Variants in HDAC9 observed in about 807,000 individuals in gnomAD.
HDAC9 encodes histone deacetylase 9, also known as MEF-2 interacting transcription repressor (MITR) protein.
In HDAC9, 41 loss-of-function variants were observed where a neutral mutation model predicts 139.4. That is an observed-to-expected ratio of 0.29 (90% CI 0.23 to 0.38). HDAC9 has a LOEUF of 0.38. Among genes scored for constraint, HDAC9 ranks in the 10% least tolerant of loss-of-function variants. The pLI, the probability that HDAC9 is intolerant of heterozygous loss-of-function variation, is 1.00. For missense variants in HDAC9, 1,147 were observed against 1,297.0 expected (o/e 0.88, Z 1.78); for synonymous variants, 517 against 476.2 (o/e 1.09, Z -1.12).
At chr7:18,327,821 AT>A (rs1446555788) in intron 1 of HDAC9, 1 of 151,852 alleles carries the variant, frequency 6.6e-6, no homozygotes, top group South Asian at 2.1e-4. Flanking sequence ...TTACATAACA[AT>A]TTTTTGGTTA....
intron 2 of HDAC9, among the ~76,000 whole-genome samples, chr7:18,268,810 T>A (rs1796163797): frequency 6.6e-6 from 1 of 152,196 alleles, no homozygotes; most frequent in Non-Finnish European, 1.5e-5. Flanking sequence ...TCTACTTAAA[T>A]GGATAACCAC....
intron 1 of HDAC9, among the ~76,000 whole-genome samples, chr7:18,363,943 A>G (rs1234943777): frequency 6.6e-6 from 1 of 152,146 alleles, no homozygotes; most frequent in African/African-American, 2.4e-5. Context: ...AACTTTTCCT[A>G]AAGATTTTCA....
chr7:18,290,954 C>G (rs596103), intron 1 of HDAC9, among the ~76,000 whole-genome samples: 1 of 152,092 alleles, frequency 6.6e-6, no homozygotes, highest in South Asian at 2.1e-4. Flanking sequence ...CTTTTAACTC[C>G]TTGATTATCA....
chr7:18,200,479 C>T (rs1791040072), intron 2 of HDAC9, among the ~76,000 whole-genome samples: 1 of 152,078 alleles, frequency 6.6e-6, no homozygotes, highest in South Asian at 2.1e-4. Flanking sequence ...TGGAACGTTT[C>T]AGTACTTTTT....
intron 23 of HDAC9, among the ~76,000 whole-genome samples, chr7:18,938,510 G>A (rs1243865455): frequency 2.0e-5 from 3 of 151,810 alleles, no homozygotes; most frequent in Non-Finnish European, 4.4e-5. Context: ...CAGGAGAATG[G>A]CATGAACCCG....
At chr7:18,935,663 C>T (rs1781582060) in intron 22 of HDAC9, 146 bp from the exon 23 acceptor site, 1 of 698,176 alleles carries the variant, frequency 1.4e-6, no homozygotes, top group African/African-American at 1.8e-5. Context: ...AGGACCTAAT[C>T]CATAAAGTTA....
At chr7:18,947,547 A>G (rs7807182) in intron 23 of HDAC9, among the ~76,000 whole-genome samples, 60,018 of 151,800 alleles carry the variant, frequency 0.4, 12,253 homozygotes, top group Non-Finnish European at 0.46. Context: ...ACCTTGCAAG[A>G]CTGAATAAAA....
intron 1 of HDAC9, among the ~76,000 whole-genome samples, chr7:18,105,141 T>G (rs537828253): frequency 6.1e-4 from 50 of 82,416 alleles, no homozygotes; most frequent in African/African-American, 1.9e-3. Context: ...GGATTTCATC[T>G]ACATCTAGGA....
At chr7:18,768,389 G>A (rs762035729) in intron 16 of HDAC9, among the ~76,000 whole-genome samples, 26 of 152,058 alleles carry the variant, frequency 1.7e-4, no homozygotes, top group Non-Finnish European at 2.5e-4. Context: ...GGTAAGCAGC[G>A]CAGCAGTGTG....
chr7:18,219,137 A>G (rs1562761343), intron 2 of HDAC9, among the ~76,000 whole-genome samples: 3 of 152,278 alleles, frequency 2.0e-5, no homozygotes, highest in South Asian at 4.1e-4. Flanking sequence ...TGAATTTTTT[A>G]TTACTAATAA....
At chr7:18,920,272 G>A (rs1035838432) in intron 22 of HDAC9, among the ~76,000 whole-genome samples, 1 of 152,128 alleles carries the variant, frequency 6.6e-6, no homozygotes, top group Non-Finnish European at 1.5e-5. Context: ...GTGAATGGGA[G>A]TTCACTCATG....
rs1051983842 is a variant in HDAC9 at position 18,149,888 on chromosome 7, G to T, written c.-96-12341G>T. On this transcript the variant is annotated intron_variant, in intron 1 of 12. Coordinates refer to the HDAC9 transcript ENST00000417496. The stretch of plus-strand genomic sequence containing the variant: ...ATTTTTTTAAATTTGTGGAAATGGC[G>T]TCTTGCTATTTTTGCCCAGGCTGAT... 5.9e-5 allele frequency among the ~76,000 whole-genome samples: 9 copies of T among 152,040 alleles called. No homozygotes were observed. The East Asian group carries it at 1.7e-3, about 29-fold the overall frequency.
chr7:18,791,801 C>G (rs929786569), intron 16 of HDAC9, among the ~76,000 whole-genome samples: 1 of 152,188 alleles, frequency 6.6e-6, no homozygotes, highest in Non-Finnish European at 1.5e-5. Flanking sequence ...CTTTACAAAA[C>G]AGGTATAACA....
intron 22 of HDAC9, among the ~76,000 whole-genome samples, chr7:18,915,552 C>T (rs1675303750): frequency 6.6e-6 from 1 of 150,934 alleles, no homozygotes; most frequent in South Asian, 2.1e-4. Flanking sequence ...AAGCATTGAA[C>T]AAATGAAAGA....
At chr7:18,547,846 T>TCCTACCTTCCTACCCTCCCTCCCTC (rs1340749595) in intron 2 of HDAC9, among the ~76,000 whole-genome samples, 5 of 137,398 alleles carry the variant, frequency 3.6e-5, no homozygotes, top group Non-Finnish European at 7.8e-5. Context: ...CTTCCTTCCT[T>TCCTACCTTCCTACCCTCCCTCCCTC]CCTTCCTTCC....
At chr7:18,219,746 G>C (rs1346448035) in intron 2 of HDAC9, among the ~76,000 whole-genome samples, 1 of 152,044 alleles carries the variant, frequency 6.6e-6, no homozygotes, top group Admixed American at 6.6e-5. Flanking sequence ...ACAGTTTTCT[G>C]GATTTCCAAA....
chr7:18,141,261 C>G (rs1785879289), intron 1 of HDAC9, among the ~76,000 whole-genome samples: 1 of 152,180 alleles, frequency 6.6e-6, no homozygotes, highest in South Asian at 2.1e-4. Context: ...AAATTATCTA[C>G]TTTAAAAAAC....
intron 25 of HDAC9, 43 bp downstream of exon 25, chr7:18,975,996 C>T: frequency 1.3e-6 from 2 of 1,583,598 alleles, no homozygotes; most frequent in Non-Finnish European, 1.7e-6. Context: ...CAGTCATATC[C>T]AGGCTCATCG....
intron 2 of HDAC9, among the ~76,000 whole-genome samples, chr7:18,173,347 T>A (rs545532632): frequency 6.6e-6 from 1 of 152,362 alleles, no homozygotes; most frequent in Non-Finnish European, 1.5e-5. Context: ...TATGTGTGTC[T>A]CTGCACGTCA....
Sources: gnomAD v4.1 joint callset for allele counts (sites outside exome capture counted in the v4.1 genomes callset) on GRCh38, gnomAD v4.1.1 for gene constraint, MANE v1.5 for transcripts, NCBI Gene and HGNC (gene_info 2026-07-23, HGNC 2026-07-21) for gene names.